The following STAB2 variants were observed in gnomAD, a reference collection of about 807,000 sequenced individuals.
STAB2 encodes stabilin 2.
STAB2 carries 288 observed loss-of-function variants against 338.1 expected under a neutral mutation model. The observed-to-expected ratio is 0.85, with a 90% CI of 0.77 to 0.94. STAB2 has a LOEUF of 0.94. Ranked by LOEUF, STAB2 falls within the 40% of genes least tolerant of loss-of-function variation. The probability of loss-of-function intolerance (pLI) is 0.00; values close to 1 mark genes in which losing one functional copy is unlikely to be tolerated. For missense variants in STAB2, 3,141 were observed against 3,210.1 expected (o/e 0.98, Z 0.52); for synonymous variants, 1,202 against 1,193.3 (o/e 1.01, Z -0.15).
At chr12:103,678,950 G>A (rs553936499) in intron 25 of STAB2, among the ~76,000 whole-genome samples, 8 of 152,302 alleles carry the variant, frequency 5.3e-5, no homozygotes, top group East Asian at 3.9e-4. Flanking sequence ...TCGGTCCTGC[G>A]GGCCAGTGCA....
At chr12:103,620,653 AC>A in intron 4 of STAB2, 100 bp downstream of exon 4, 1 of 907,978 alleles carries the variant, frequency 1.1e-6, no homozygotes, top group Non-Finnish European at 1.7e-6. Context: ...ACACACACAC[AC>A]GTGCACACAC....
At chr12:103,646,737 G>A (rs1873365617) in intron 9 of STAB2, among the ~76,000 whole-genome samples, 2 of 152,196 alleles carry the variant, frequency 1.3e-5, no homozygotes, top group South Asian at 4.1e-4. Context: ...TAAATAATCA[G>A]TTAAACAATC....
chr12:103,740,740 C>T lies in STAB2; in HGVS notation c.5865C>T (p.Phe1955=), dbSNP rs151219602. The T allele has an allele frequency of 1.3e-3, 2,004 of 1,588,122 alleles. 29 individuals are homozygous for T. In the South Asian group the frequency reaches 0.017, roughly 13 times the overall value. ...TCCCCAGGTGCTGCAAGGGCTACTT[C>T]GGGCGAGACTGTCAGGGTGAGGGTG... is the stretch of plus-strand genomic sequence containing the variant. The part of the protein sequence containing the change: ...IQIPRCCKGY[F]GRDCQACPGG... The change falls in exon 55 of 69, where the codon TTC becomes TTT. Residue 1955 remains phenylalanine (F), a synonymous_variant. Coordinates refer to ENST00000388887, the MANE Select transcript of STAB2 (RefSeq NM_017564.10).
intron 27 of STAB2, among the ~76,000 whole-genome samples, chr12:103,686,612 C>A (rs1877456097): frequency 6.6e-6 from 1 of 152,096 alleles, no homozygotes; most frequent in Non-Finnish European, 1.5e-5. Flanking sequence ...TTCAGGTGAT[C>A]CTCCTGTCTC....
chr12:103,695,523 A>G (rs758787110), intron 31 of STAB2, 27 bp from the exon 32 acceptor site: 1 of 1,613,082 alleles, frequency 6.2e-7, no homozygotes, highest in South Asian at 1.1e-5. Context: ...AAACATGCTA[A>G]CAGGATTCTG....
chr12:103,753,546 T>G (rs942840470), intron 61 of STAB2, among the ~76,000 whole-genome samples, 193 bp downstream of exon 61: 2 of 152,164 alleles, frequency 1.3e-5, no homozygotes, highest in Non-Finnish European at 2.9e-5. Flanking sequence ...GCAGGGTACT[T>G]CGTGGATATT....
intron 12 of STAB2, among the ~76,000 whole-genome samples, chr12:103,653,333 A>C (rs1352982769): frequency 6.6e-6 from 1 of 152,216 alleles, no homozygotes; most frequent in East Asian, 1.9e-4. Flanking sequence ...TGTTCTAAGC[A>C]AAGTATGGGG....
intron 3 of STAB2, among the ~76,000 whole-genome samples, chr12:103,602,027 C>G (rs141828788): frequency 5.3e-5 from 8 of 152,266 alleles, no homozygotes; most frequent in Non-Finnish European, 1.2e-4. Context: ...TACAGCTATT[C>G]AAGCTTTGAC....
intron 41 of STAB2, 86 bp downstream of exon 41, chr12:103,712,529 C>A: frequency 9.7e-7 from 1 of 1,029,308 alleles, no homozygotes. Context: ...TCTGAATGGG[C>A]CTCAGCAGCT....
chr12:103,728,770 G>C lies in STAB2; in HGVS notation c.4936-79G>C. The C allele has an allele frequency of 1.9e-6, 3 of 1,569,520 alleles. No homozygotes were observed. The South Asian group carries it at 3.5e-5, about 18-fold the overall frequency. On this transcript the variant is annotated intron_variant, in intron 47 of 68. Transcript: ENST00000388887. The stretch of plus-strand genomic sequence containing the variant: ...GGCCGAGAGGTGTGGAAGAGAGAAT[G>C]GAGGACAGGAGAGCCAAATGGCACA...
intron 34 of STAB2, among the ~76,000 whole-genome samples, chr12:103,699,875 T>G (rs1294352289): frequency 6.6e-6 from 1 of 152,148 alleles, no homozygotes; most frequent in Non-Finnish European, 1.5e-5. Context: ...TCAGCGCTGG[T>G]ACAACAAACC....
chr12:103,684,862 T>C, intron 26 of STAB2, 127 bp from the exon 27 acceptor site: 1 of 745,054 alleles, frequency 1.3e-6, no homozygotes, highest in Non-Finnish European at 2.3e-6. Flanking sequence ...GTCTATGGGT[T>C]ACTTCTACCA....
intron 45 of STAB2, 87 bp downstream of exon 45, chr12:103,725,181 G>A (rs1881088991): frequency 1.3e-6 from 2 of 1,537,708 alleles, no homozygotes; most frequent in Non-Finnish European, 1.8e-6. Context: ...TTAAGAGCTT[G>A]GTGAAATGTA....
In STAB2 at chr12:103,761,296, C is replaced by T; in HGVS notation, c.7249-4C>T. On this transcript the variant is annotated splice_polypyrimidine_tract_variant and splice_region_variant and intron_variant, in intron 65 of 68. Transcript: ENST00000388887. ...AGCCATCAACCCTCTTCTCATTTCCCTAGACGGAGACCAGGTTTGTTGATG... is the reference window on the plus strand; with the variant it reads ...AGCCATCAACCCTCTTCTCATTTCCTTAGACGGAGACCAGGTTTGTTGATG... 1 of 1,613,762 alleles carries T rather than the reference C, an allele frequency of 6.2e-7. No homozygotes were observed. Among genetic ancestry groups the T allele is most frequent in the Non-Finnish European group, 8.5e-7 (1 of 1,179,714 alleles).
intron 3 of STAB2, among the ~76,000 whole-genome samples, chr12:103,615,823 T>C (rs1042036967): frequency 2.0e-5 from 3 of 152,104 alleles, no homozygotes; most frequent in Admixed American, 6.6e-5. Flanking sequence ...CAGACACTTA[T>C]AAAGCCATCA....
intron 68 of STAB2, 79 bp downstream of exon 68, chr12:103,763,687 A>ATCTT: frequency 1.6e-6 from 2 of 1,272,080 alleles, no homozygotes; most frequent in East Asian, 2.4e-5. Flanking sequence ...TTCAGTGGAG[A>ATCTT]TCTTTGTACC....
chr12:103,755,505 C>T (rs774989706), intron 62 of STAB2, 38 bp downstream of exon 62: 1 of 1,610,494 alleles, frequency 6.2e-7, no homozygotes, highest in South Asian at 1.1e-5. Flanking sequence ...CTGGGCCACA[C>T]AGCTGCTGAG....
intron 68 of STAB2, chr12:103,765,987 ATCC>A (rs1484593274): frequency 3.9e-6 from 2 of 511,446 alleles, no homozygotes; most frequent in African/African-American, 3.9e-5. Flanking sequence ...CTCTAATTTA[ATCC>A]TCCTACCTCC....
intron 4 of STAB2, 98 bp downstream of exon 4, chr12:103,620,651 A>T: frequency 1.0e-6 from 1 of 976,940 alleles, no homozygotes. Flanking sequence ...ACACACACAC[A>T]CACGTGCACA....
Sources: gnomAD v4.1 joint callset for allele counts (sites outside exome capture counted in the v4.1 genomes callset) on GRCh38, gnomAD v4.1.1 for gene constraint, MANE v1.5 for transcripts, NCBI Gene and HGNC (gene_info 2026-07-23, HGNC 2026-07-21) for gene names.